The following ATRNL1 variants were observed in gnomAD, a reference collection of about 807,000 sequenced individuals.
ATRNL1 encodes the protein attractin like 1.
Under a neutral mutation model 182.7 loss-of-function variants are expected in ATRNL1, and 95 were observed. That is an observed-to-expected ratio of 0.52 (90% confidence interval 0.44 to 0.62). The LOEUF is 0.62. Among genes scored for constraint, ATRNL1 ranks in the 20% least tolerant of loss-of-function variants. ATRNL1 has a pLI of 0.00. For missense variants in ATRNL1, 1,471 were observed against 1,679.5 expected (o/e 0.88, Z 2.17); for synonymous variants, 576 against 568.3 (o/e 1.01, Z -0.19).
At chr10:115,165,237 A>T (rs11197094) in intron 6 of ATRNL1, among the ~76,000 whole-genome samples, 33,525 of 151,986 alleles carry the variant, frequency 0.22, 4,740 homozygotes, top group Non-Finnish European at 0.31. Context: ...TAAAAAATAC[A>T]GTCAAATCAC....
chr10:115,615,216 A>C (rs1487368755), intron 26 of ATRNL1, among the ~76,000 whole-genome samples: 2 of 151,566 alleles, frequency 1.3e-5, no homozygotes, highest in Non-Finnish European at 2.9e-5. Flanking sequence ...ATGCTTTTTG[A>C]GTGTTTTTAT....
intron 5 of ATRNL1, among the ~76,000 whole-genome samples, chr10:115,158,234 T>G (rs1846614557): frequency 6.6e-6 from 1 of 152,062 alleles, no homozygotes; most frequent in Non-Finnish European, 1.5e-5. Flanking sequence ...ATATAATTTC[T>G]ATATGATTTC....
intron 26 of ATRNL1, among the ~76,000 whole-genome samples, chr10:115,564,819 T>C (rs1407738737): frequency 6.6e-6 from 1 of 151,944 alleles, no homozygotes; most frequent in African/African-American, 2.4e-5. Context: ...TTTTCTACAT[T>C]ACTTACGCTA....
At chr10:115,489,215 G>T (rs1312486036) in intron 24 of ATRNL1, among the ~76,000 whole-genome samples, 43 of 152,146 alleles carry the variant, frequency 2.8e-4, no homozygotes, top group Admixed American at 2.8e-3. Flanking sequence ...ATTTGGGGTG[G>T]AGAGTTCTGT....
chr10:115,796,836 A>G (rs1431230343), intron 27 of ATRNL1, among the ~76,000 whole-genome samples: 1 of 152,188 alleles, frequency 6.6e-6, no homozygotes, highest in South Asian at 2.1e-4. Context: ...AATTAAATCT[A>G]TTGATTTATT....
intron 27 of ATRNL1, among the ~76,000 whole-genome samples, chr10:115,831,901 T>C (rs782761814): frequency 2.6e-5 from 4 of 152,178 alleles, no homozygotes; most frequent in Non-Finnish European, 2.9e-5. Context: ...CTAAAGGCAT[T>C]AAGAAACTTG....
At chr10:115,661,790 CTTTAAG>C (rs1255903216) in intron 26 of ATRNL1, among the ~76,000 whole-genome samples, 2 of 151,922 alleles carry the variant, frequency 1.3e-5, no homozygotes, top group Admixed American at 6.5e-5. Flanking sequence ...TTTTATTATA[CTTTAAG>C]TTTTAGAGTA....
intron 28 of ATRNL1, among the ~76,000 whole-genome samples, chr10:115,849,678 G>A (rs1264626796): frequency 6.6e-6 from 1 of 152,150 alleles, no homozygotes; most frequent in East Asian, 1.9e-4. Flanking sequence ...ACAGGGTTGT[G>A]AGATAGGTAT....
At chr10:115,919,063 C>A (rs1952966130) in intron 28 of ATRNL1, among the ~76,000 whole-genome samples, 1 of 152,126 alleles carries the variant, frequency 6.6e-6, no homozygotes, top group South Asian at 2.1e-4. Context: ...CAGACATAAC[C>A]CCATAGGAAG....
intron 19 of ATRNL1, among the ~76,000 whole-genome samples, chr10:115,388,352 A>G (rs1309406685): frequency 6.6e-6 from 1 of 152,158 alleles, no homozygotes; most frequent in Non-Finnish European, 1.5e-5. Flanking sequence ...TTATATATTC[A>G]TGATGACTTT....
chr10:115,815,415 A>ATGTTTGTGTG (rs1555088278), intron 27 of ATRNL1, among the ~76,000 whole-genome samples: 1 of 142,948 alleles, frequency 7.0e-6, no homozygotes, highest in Admixed American at 7.0e-5. Flanking sequence ...GTGTGTGTGT[A>ATGTTTGTGTG]TGTGTGTGTG....
chr10:115,320,410 C>T (rs1232757013), intron 18 of ATRNL1, among the ~76,000 whole-genome samples: 2 of 152,134 alleles, frequency 1.3e-5, no homozygotes, highest in African/African-American at 2.4e-5. Context: ...GTGATGTTCT[C>T]TGTATTTCCT....
At chr10:115,734,801 T>G (rs1164060297) in intron 27 of ATRNL1, among the ~76,000 whole-genome samples, 4 of 152,148 alleles carry the variant, frequency 2.6e-5, no homozygotes, top group Non-Finnish European at 5.9e-5. Flanking sequence ...GAATTTCCTA[T>G]TATTTTTCCA....
chr10:115,530,385 G>T (rs574210397), intron 25 of ATRNL1, among the ~76,000 whole-genome samples: 2 of 151,982 alleles, frequency 1.3e-5, no homozygotes, highest in Non-Finnish European at 2.9e-5. Context: ...ACTAAAGTTT[G>T]TATTAACTGC....
intron 26 of ATRNL1, among the ~76,000 whole-genome samples, chr10:115,688,928 T>G (rs1181121415): frequency 6.6e-6 from 1 of 152,184 alleles, no homozygotes; most frequent in African/African-American, 2.4e-5. Context: ...TTTATAGTTT[T>G]GGGTCTTAAT....
chr10:115,312,555 A>G (rs535912196), intron 17 of ATRNL1, among the ~76,000 whole-genome samples: 2 of 152,190 alleles, frequency 1.3e-5, no homozygotes, highest in East Asian at 3.9e-4. Context: ...ATTCATGTTG[A>G]CTTCAGAGAG....
intron 1 of ATRNL1, among the ~76,000 whole-genome samples, chr10:115,115,028 A>G (rs1159573974): frequency 3.9e-5 from 6 of 152,192 alleles, no homozygotes; most frequent in African/African-American, 1.4e-4. Context: ...GTATATATAC[A>G]TAATGAAATA....
intron 28 of ATRNL1, among the ~76,000 whole-genome samples, chr10:115,914,118 A>T (rs553563214): frequency 6.6e-6 from 1 of 152,078 alleles, no homozygotes; most frequent in East Asian, 1.9e-4. Flanking sequence ...TCCCTGCTTC[A>T]CTTGGCACTT....
intron 28 of ATRNL1, among the ~76,000 whole-genome samples, chr10:115,921,343 A>C (rs572756834): frequency 6.6e-6 from 1 of 152,278 alleles, no homozygotes; most frequent in East Asian, 1.9e-4. Flanking sequence ...TTTGTCTCAG[A>C]AGTTTATATG....
Sources: gnomAD v4.1 joint callset for allele counts (sites outside exome capture counted in the v4.1 genomes callset) on GRCh38, gnomAD v4.1.1 for gene constraint, MANE v1.5 for transcripts, NCBI Gene and HGNC (gene_info 2026-07-23, HGNC 2026-07-21) for gene names.